Variants in PPP2R3B observed in about 807,000 individuals in gnomAD.
PPP2R3B encodes the protein protein phosphatase 2 regulatory subunit B''beta.
Under a neutral mutation model 72.9 loss-of-function variants are expected in PPP2R3B, and 68 were observed. The ratio of observed to expected loss-of-function variants is 0.93; its 90% CI spans 0.77 to 1.14. PPP2R3B has a LOEUF of 1.14. PPP2R3B is among the 50% of genes most tolerant of loss of function. The pLI, the probability that PPP2R3B is intolerant of heterozygous loss-of-function variation, is 0.00. For synonymous variants in PPP2R3B, 466 were observed against 375.8 expected (o/e 1.24, Z -2.78); for missense variants, 1,018 against 842.0 (o/e 1.21, Z -2.59).
chrX:386,594 T>C lies in PPP2R3B; in HGVS notation c.98A>G (p.Gln33Arg). The change falls in exon 1 of 13, where the codon CAG (glutamine) becomes CGG (arginine). Residue 33 changes from glutamine to arginine, a missense_variant. Gln to Arg is a conservative substitution (Grantham distance 43). Transcript: ENST00000390665. ...LSEASTQRMLQDCLRRIKAPG... is the reference protein window; with the variant it reads ...LSEASTQRMLRDCLRRIKAPG... Reference sequence around the variant, plus strand: ...CGCCTTGATCCGGCGCAGGCAGTCCTGCAGCATCCGCTGCGTGCTGGCCTC... The same window carrying C: ...CGCCTTGATCCGGCGCAGGCAGTCCCGCAGCATCCGCTGCGTGCTGGCCTC... The C allele has an allele frequency of 6.9e-7, 1 of 1,449,734 alleles. No homozygotes were observed. Among genetic ancestry groups the C allele is most frequent in the Non-Finnish European group, 9.1e-7 (1 of 1,102,180 alleles). 89.8% of individuals were successfully genotyped at this position (1,449,734 alleles called of 1,614,324 possible).
rs199980240 is a variant in PPP2R3B, at chrX:345,498, C to T, written c.1036+18G>A. 6 of 1,612,250 alleles carry T rather than the reference C, an allele frequency of 3.7e-6. No individual in the cohort carries two copies. The highest frequency in any genetic ancestry group is 3.3e-5 in the Admixed American group (2 of 59,972). On this transcript the variant is annotated intron_variant, in intron 7 of 12. Transcript: ENST00000390665. ...CTCGGTGTCCGCGCGGCCCGCCCGCCCCTGTGCCCCCACGCACCGTGGTCA... is the reference window on the plus strand; with the variant it reads ...CTCGGTGTCCGCGCGGCCCGCCCGCTCCTGTGCCCCCACGCACCGTGGTCA...
In PPP2R3B at chrX:334,044, C is replaced by T; in HGVS notation, c.*323G>A. ...CCAGGACTGAGGCGCCCGGGAGCCG[C>T]CGGTCACCGTTGTGCGCACACGGAC... On this transcript the variant is annotated 3_prime_UTR_variant, in exon 13 of 13. Transcript: ENST00000390665. The T allele has an allele frequency of 3.7e-6, 1 of 266,954 alleles. No homozygotes were observed. The highest frequency in any genetic ancestry group is 7.0e-6 in the Non-Finnish European group (1 of 142,772). The allele number at this position is 266,954 out of a possible 1,614,324, so 16.5% of individuals were successfully genotyped here. A position where few individuals can be genotyped will look rare whatever the true frequency, so the allele number is the denominator to read the frequency against.
At chrX:352,291 C>T (rs1242356334) in intron 2 of PPP2R3B, among the ~76,000 whole-genome samples, 4 of 152,232 alleles carry the variant, frequency 2.6e-5, no homozygotes, top group Admixed American at 1.3e-4. Context: ...TTGTGGGGCC[C>T]GGCAACGCGG....
At chrX:364,585 G>GTAC (rs1341899290) in intron 1 of PPP2R3B, among the ~76,000 whole-genome samples, 4 of 146,802 alleles carry the variant, frequency 2.7e-5, no homozygotes, top group Admixed American at 2.7e-4. Context: ...GGGTGTGGTG[G>GTAC]AGGGTGCCTG....
chrX:340,957 T>TCTGTCAGCCCCTGCCCTGGGCC lies in PPP2R3B; in HGVS notation c.1176-39_1176-18dup. The stretch of plus-strand genomic sequence containing the variant: ...TACTCGATGCTGCGGCACGGCGAGC[T>TCTGTCAGCCCCTGCCCTGGGCC]CTGTCAGCCCCTGCCCTGGGCCCTC... On this transcript the variant is annotated splice_polypyrimidine_tract_variant and intron_variant, in intron 9 of 12. Transcript: ENST00000390665. The TCTGTCAGCCCCTGCCCTGGGCC allele has an allele frequency of 6.2e-7, 1 of 1,605,404 alleles. No homozygotes were observed. Among genetic ancestry groups the TCTGTCAGCCCCTGCCCTGGGCC allele is most frequent in the Non-Finnish European group, 8.5e-7 (1 of 1,176,308 alleles).
chrX:348,304 G>A (rs1385894011), intron 2 of PPP2R3B, among the ~76,000 whole-genome samples: 6 of 151,956 alleles, frequency 3.9e-5, no homozygotes, highest in South Asian at 2.1e-4. Context: ...GGCTGGGCGT[G>A]GTGGCTCATG....
chrX:360,179 T>C (rs2071512188), intron 2 of PPP2R3B, among the ~76,000 whole-genome samples: 1 of 152,112 alleles, frequency 6.6e-6, no homozygotes, highest in African/African-American at 2.4e-5. Flanking sequence ...ATCCCAGGAA[T>C]GCAAGGTTGG....
chrX:338,663 C>G lies in PPP2R3B; in HGVS notation c.1518G>C (p.Ala506=). ...GPELSDWEKY[A]AEEYDILVAE... ...CCACCAGGATGTCGTACTCCTCGGCCGCGTACTTCTCCCAGTCCGAGAGCT... is the reference window on the plus strand; with the variant it reads ...CCACCAGGATGTCGTACTCCTCGGCGGCGTACTTCTCCCAGTCCGAGAGCT... The change falls in exon 12 of 13, where the codon GCG becomes GCC. Residue 506 remains alanine (A), a synonymous_variant. Transcript: ENST00000390665. The G allele has an allele frequency of 6.2e-7, 1 of 1,611,428 alleles. No homozygotes were observed. Among genetic ancestry groups the G allele is most frequent in the Non-Finnish European group, 8.5e-7 (1 of 1,179,658 alleles).
intron 12 of PPP2R3B, chrX:334,836 A>C: frequency 3.2e-6 from 1 of 316,096 alleles, no homozygotes; most frequent in Non-Finnish European, 5.8e-6. Context: ...TGTGTTTACA[A>C]CTGGGTCGTG....
At chrX:351,153 A>C (rs1211040209) in intron 2 of PPP2R3B, among the ~76,000 whole-genome samples, 1 of 152,134 alleles carries the variant, frequency 6.6e-6, no homozygotes, top group Non-Finnish European at 1.5e-5. Context: ...CGGGCCCCGC[A>C]GGACGCACAG....
chrX:353,704 G>C (rs2071375180), intron 2 of PPP2R3B, among the ~76,000 whole-genome samples: 1 of 152,248 alleles, frequency 6.6e-6, no homozygotes, highest in Admixed American at 6.5e-5. Flanking sequence ...CAACACATAG[G>C]AGAAGTGTGA....
At chrX:357,099 T>A (rs2738331) in intron 2 of PPP2R3B, among the ~76,000 whole-genome samples, 1 of 152,030 alleles carries the variant, frequency 6.6e-6, no homozygotes, top group East Asian at 1.9e-4. Flanking sequence ...ACAGACAAAA[T>A]GCTCCAAGAG....
intron 2 of PPP2R3B, among the ~76,000 whole-genome samples, chrX:349,931 G>A (rs1353849265): frequency 6.6e-6 from 1 of 152,108 alleles, no homozygotes; most frequent in Non-Finnish European, 1.5e-5. Flanking sequence ...CAGAGTCCAC[G>A]CGATCCCCAC....
rs942184814 is a variant in PPP2R3B at position 370,787 on chromosome X, G to A, written c.325-9197C>T. Among the ~76,000 whole-genome samples, 139 of 152,304 alleles carry A rather than the reference G, an allele frequency of 9.1e-4. 1 individual carries two copies. The highest frequency in any genetic ancestry group is 6.8e-3 in the Middle Eastern group (2 of 294). On this transcript the variant is annotated intron_variant, in intron 1 of 12. Coordinates refer to ENST00000390665, the MANE Select transcript of PPP2R3B (RefSeq NM_013239.5). ...GGAGGGGAACGGCACGTGCCCTGGC[G>A]GTGAGAGCAGGAGGTGCGTCAGGGA...
chrX:359,495 T>G (rs1009184763), intron 2 of PPP2R3B, among the ~76,000 whole-genome samples: 2 of 152,228 alleles, frequency 1.3e-5, no homozygotes, highest in Non-Finnish European at 2.9e-5. Context: ...AAATATTAGT[T>G]CTTTTCATTC....
At chrX:342,199 C>T in intron 7 of PPP2R3B, 2 of 593,536 alleles carry the variant, frequency 3.4e-6, no homozygotes, top group South Asian at 4.0e-5. Flanking sequence ...GCAGAATATT[C>T]AGGCCTCAAA....
At chrX:338,063 G>A (rs992989549) in intron 12 of PPP2R3B, 29 of 166,332 alleles carry the variant, frequency 1.7e-4, no homozygotes, top group Middle Eastern at 2.9e-3. Flanking sequence ...ACATCTCTGA[G>A]ACACCACGTG....
Position 338,882 on chromosome X carries a change from G to A in PPP2R3B, c.1366C>T (p.Gln456Ter). ...KPRTEGKITLQDLKRCKLANV... is the reference protein window; with the variant it reads ...KPRTEGKITL ...GCCAGCTTGCAGCGCTTCAGGTCCT[G>A]CAGCGTGATCTTCCCTGCGGGGAGG... The change falls in exon 11 of 13, where the codon CAG becomes TAG. Residue 456 changes from glutamine (Q) to a stop codon, truncating the protein, a stop_gained. Coordinates refer to ENST00000390665, the MANE Select transcript of PPP2R3B (RefSeq NM_013239.5). LOFTEE classifies it high-confidence loss of function. The A allele has an allele frequency of 6.2e-7, 1 of 1,612,384 alleles. No individual in the cohort carries two copies.
At chrX:371,324 C>T (rs1262772886) in intron 1 of PPP2R3B, among the ~76,000 whole-genome samples, 3 of 152,164 alleles carry the variant, frequency 2.0e-5, no homozygotes, top group African/African-American at 7.2e-5. Flanking sequence ...GGAGCCTCCC[C>T]GGACCCACGG....
Sources: allele counts gnomAD v4.1 joint callset (sites outside exome capture counted in the v4.1 genomes callset), GRCh38; gene constraint gnomAD v4.1.1; transcripts MANE v1.5; gene names NCBI Gene and HGNC (gene_info 2026-07-23, HGNC 2026-07-21).